The following IGSF9 variants were observed in gnomAD, a reference collection of about 807,000 sequenced individuals.
The protein encoded by IGSF9 is protein turtle homolog A.
IGSF9 carries 87 observed loss-of-function variants against 121.7 expected under a neutral mutation model. The observed-to-expected ratio is 0.71, with a 90% CI of 0.60 to 0.85. The LOEUF is 0.85. Among genes scored for constraint, IGSF9 ranks in the 40% least tolerant of loss-of-function variants. The pLI, the probability that IGSF9 is intolerant of heterozygous loss-of-function variation, is 0.00. For synonymous variants in IGSF9, 640 were observed against 648.4 expected (o/e 0.99, Z 0.20); for missense variants, 1,462 against 1,565.3 (o/e 0.93, Z 1.11).
rs577468450 is a variant in IGSF9 at position 159,934,013 on chromosome 1, T to G, written c.1104+177A>C. The G allele has an allele frequency of 2.8e-5, 20 of 706,416 alleles. No individual in the cohort carries two copies. In the South Asian group the frequency reaches 3.9e-4, roughly 14 times the overall value. The allele number at this position is 706,416 out of a possible 1,614,324, so 43.8% of individuals were successfully genotyped here. On this transcript the variant is annotated intron_variant, in intron 9 of 20. Transcript: ENST00000368094. ...ACCACCACTTTAAACCATGGAAATTTTTCCTCAGGGGTTTTAAGTAGTTTC... is the reference window on the plus strand; with the variant it reads ...ACCACCACTTTAAACCATGGAAATTGTTCCTCAGGGGTTTTAAGTAGTTTC...
chr1:159,927,671 G>A, intron 20 of IGSF9, 89 bp downstream of exon 20: 1 of 1,554,636 alleles, frequency 6.4e-7, no homozygotes. Flanking sequence ...GGGAGGCAGG[G>A]CCTGACTGGG....
chr1:159,939,851 C>G (rs891316818), intron 3 of IGSF9, among the ~76,000 whole-genome samples: 1 of 152,152 alleles, frequency 6.6e-6, no homozygotes, highest in Non-Finnish European at 1.5e-5. Context: ...GGAGATAAGA[C>G]TAGGCCCAGC....
rs60386431 is a variant in IGSF9, at chr1:159,927,891, TAAAA to T, written c.3231-8_3231-5del. The T allele has an allele frequency of 2.1e-3, 3,209 of 1,524,728 alleles. No homozygotes were observed. Among genetic ancestry groups the T allele is most frequent in the Admixed American group, 5.4e-3 (285 of 52,590 alleles). 94.4% of individuals were successfully genotyped at this position (1,524,728 alleles called of 1,614,324 possible). ...CTCGTCCACAGATGTGTTCCTCCTG[TAAAA>T]AAAAAAAAAAAGACAAACATATGGT... On this transcript the variant is annotated splice_region_variant and splice_polypyrimidine_tract_variant and intron_variant, in intron 19 of 20. Transcript: ENST00000368094.
intron 9 of IGSF9, 141 bp downstream of exon 9, chr1:159,934,049 T>A: frequency 9.7e-7 from 1 of 1,027,282 alleles, no homozygotes; most frequent in East Asian, 2.6e-5. Context: ...CTATGCAACA[T>A]GTCTTATAAC....
Position 159,929,391 on chromosome 1 carries a change from G to A in IGSF9, c.2329C>T (p.Pro777Ser). Residue 777 changes from proline (P) to serine (S), a missense_variant and splice_region_variant, in exon 18 of 21, where the codon CCA (proline) becomes TCA (serine). By Grantham distance (74) the Pro-to-Ser change is moderately conservative (BLOSUM62 -1). This residue lies in a region of IGSF9 where 808 missense variants were observed against 815.2 expected (regional missense o/e 0.99). Transcript: ENST00000368094. ...CCGGTCGGAGAGAAGATAAGAGGTG[G>A]ATCTGGAAGGGCATGAGAATAGTAG... ...RRRRKRLRQD[P>S]PLIFSPTGKS... is the part of the protein sequence containing the mutation. 1 of 1,614,130 alleles carries A rather than the reference G, an allele frequency of 6.2e-7. No individual in the cohort carries two copies. Among genetic ancestry groups the A allele is most frequent in the Non-Finnish European group, 8.5e-7 (1 of 1,179,988 alleles).
intron 6 of IGSF9, 148 bp from the exon 7 acceptor site, chr1:159,934,970 C>CACT: frequency 1.2e-6 from 1 of 835,320 alleles, no homozygotes; most frequent in South Asian, 1.8e-5. Context: ...CAGAAGCTTC[C>CACT]CCCTGTATGT....
intron 2 of IGSF9, 24 bp downstream of exon 2, chr1:159,943,373 C>T: frequency 6.5e-7 from 1 of 1,549,338 alleles, no homozygotes; most frequent in Non-Finnish European, 8.7e-7. Flanking sequence ...ACAGGGCATT[C>T]TTGAGCCCAA....
In IGSF9 at chr1:159,943,125, C is replaced by A; in HGVS notation, c.85G>T (p.Val29Leu). 6.9e-6 allele frequency: 11 copies of A among 1,597,168 alleles called. No individual in the cohort carries two copies. Among genetic ancestry groups the A allele is most frequent in the Non-Finnish European group, 9.4e-6 (11 of 1,174,620 alleles). ...DGRGKPEVVS[V>L]VGRAGESVVL... ...ACACTCTCCCCAGCCCGGCCCACCA[C>A]CGATACCACCTCAGGCTTCCCTCGA... Residue 29 changes from valine to leucine, a missense_variant, in exon 3 of 21, where the codon GTG becomes TTG. Val to Leu is a conservative substitution (Grantham distance 32). Around this residue, in one of 3 missense-constraint regions of IGSF9, gnomAD observed 558 missense variants for 599.4 expected, o/e 0.93. Transcript: ENST00000368094.
At position 159,930,354 on chromosome 1, in the gene IGSF9, C is replaced by T. The variant is rs1192765612; in HGVS notation, c.1899G>A (p.Val633=). ...PLSPPRGLVA[V]RTPRGVLLHW... The stretch of plus-strand genomic sequence containing the variant: ...GCAGGAGTACCCCCCGGGGTGTCCT[C>T]ACTGCCACCAGACCCCGCGGAGGGG... The change falls in exon 15 of 21, where the codon GTG becomes GTA. Residue 633 remains valine (V), a synonymous_variant. Transcript: ENST00000368094. The T allele has an allele frequency of 6.2e-7, 1 of 1,604,858 alleles. No individual in the cohort carries two copies. The highest frequency in any genetic ancestry group is 1.1e-5 in the South Asian group (1 of 90,336).
rs1290170915 is a variant in IGSF9, at chr1:159,928,875, C to T, written c.2513G>A (p.Gly838Glu). The stretch of plus-strand genomic sequence containing the variant: ...GCAAATGGGCTCCAGAGGTAAGGGT[C>T]CCCGGCTAGATGGAGGATCCGGGTG... The part of the protein sequence containing the change: ...SPHPDPPSSR[G>E]PLPLEPICRG... Residue 838 changes from glycine to glutamate, a missense_variant, in exon 19 of 21, where the codon GGA becomes GAA. Physicochemically the swap from Gly to Glu is moderately conservative, Grantham distance 98. Around this residue, in one of 3 missense-constraint regions of IGSF9, gnomAD observed 808 missense variants for 815.2 expected, o/e 0.99. Transcript: ENST00000368094. 6.3e-7 allele frequency: 1 copy of T among 1,593,050 alleles called. No individual in the cohort carries two copies. Among genetic ancestry groups the T allele is most frequent in the Non-Finnish European group, 8.5e-7 (1 of 1,170,328 alleles).
rs1224118667 is a variant in IGSF9 at position 159,927,878 on chromosome 1, T to C, written c.3240A>G (p.Thr1080=). ...HVVTVSKRRN[T]SVDENYEWDS... is the part of the protein sequence containing the mutation. ...CCCACTCATAGTTCTCGTCCACAGA[T>C]GTGTTCCTCCTGTAAAAAAAAAAAA... Residue 1080 remains threonine, a synonymous_variant, in exon 20 of 21, where the codon ACA becomes ACG. Coordinates refer to ENST00000368094, the MANE Select transcript of IGSF9 (RefSeq NM_001135050.2). 5.7e-6 allele frequency: 9 copies of C among 1,579,514 alleles called. No individual in the cohort carries two copies. Among genetic ancestry groups the C allele is most frequent in the Non-Finnish European group, 7.7e-6 (9 of 1,169,414 alleles).
At chr1:159,937,383 GCCCCTCTCTCCCAC>G (rs1435713055) in intron 4 of IGSF9, among the ~76,000 whole-genome samples, 7 of 151,800 alleles carry the variant, frequency 4.6e-5, no homozygotes, top group African/African-American at 1.7e-4. Flanking sequence ...GGGCCCAAGA[GCCCCTCTCTCCCAC>G]CCACTTCCCT....
intron 5 of IGSF9, 118 bp from the exon 6 acceptor site, chr1:159,936,634 C>T: frequency 6.6e-7 from 1 of 1,524,718 alleles, no homozygotes; most frequent in Middle Eastern, 2.2e-4. Context: ...AATGCCAAGC[C>T]CTTCTTCTGG....
intron 9 of IGSF9, 120 bp downstream of exon 9, chr1:159,934,070 T>G (rs1366747246): frequency 1.7e-6 from 2 of 1,198,114 alleles, no homozygotes; most frequent in Admixed American, 4.7e-5. Flanking sequence ...ACAAATTAAA[T>G]TCACAAAAGA....
intron 17 of IGSF9, 85 bp downstream of exon 17, chr1:159,929,553 G>A: frequency 6.7e-7 from 1 of 1,496,726 alleles, no homozygotes. Context: ...TCACACAGGA[G>A]CGAGGGCTTT....
intron 18 of IGSF9, 42 bp downstream of exon 18, chr1:159,929,309 A>G (rs1650883572): frequency 1.2e-6 from 2 of 1,601,138 alleles, no homozygotes; most frequent in Non-Finnish European, 8.6e-7. Context: ...TGGCACGTAC[A>G]ATGGAAAGGC....
rs1278445505 is a variant in IGSF9, at chr1:159,934,476, T to C, written c.910A>G (p.Ser304Gly). Reference protein sequence around the residue: ...DDAGCYTCVPSNGLLHPPSAS... With the variant: ...DDAGCYTCVPGNGLLHPPSAS... ...GAGGGTGGATGCAGGAGGCCATTGC[T>C]GGGCACACAGGTGTAGCAGCCGGCA... The change falls in exon 8 of 21, where the codon AGC becomes GGC. Residue 304 changes from serine to glycine, a missense_variant. Physicochemically the swap from Ser to Gly is moderately conservative, Grantham distance 56. Around this residue, in one of 3 missense-constraint regions of IGSF9, gnomAD observed 558 missense variants for 599.4 expected, o/e 0.93. Coordinates refer to ENST00000368094, the MANE Select transcript of IGSF9 (RefSeq NM_001135050.2). 1.2e-6 allele frequency: 2 copies of C among 1,608,060 alleles called. No individual in the cohort carries two copies.
At chr1:159,935,712 AGCT>A (rs1479353708) in intron 6 of IGSF9, among the ~76,000 whole-genome samples, 1 of 152,178 alleles carries the variant, frequency 6.6e-6, no homozygotes, top group African/African-American at 2.4e-5. Flanking sequence ...CCTCACCAAA[AGCT>A]TTGTGGTGGG....
chr1:159,932,296 G>T lies in IGSF9; in HGVS notation c.1245+216C>A. 1 of 596,994 alleles carries T rather than the reference G, an allele frequency of 1.7e-6. No individual in the cohort carries two copies. Among genetic ancestry groups the T allele is most frequent in the Non-Finnish European group, 3.0e-6 (1 of 336,076 alleles). 37.0% of individuals were successfully genotyped at this position (596,994 alleles called of 1,614,324 possible). A position where few individuals can be genotyped will look rare whatever the true frequency, so the allele number is the denominator to read the frequency against. Reference sequence around the variant, plus strand: ...GGGCAAACAGGATATCTTACTTCTGGATGTGTGTGACTGATGTCCCACCTC... The same window carrying T: ...GGGCAAACAGGATATCTTACTTCTGTATGTGTGTGACTGATGTCCCACCTC... On this transcript the variant is annotated intron_variant, in intron 10 of 20. Coordinates refer to ENST00000368094, the MANE Select transcript of IGSF9 (RefSeq NM_001135050.2). This position sits in a 1 kb window ranked among gnomAD's most constrained non-coding sequence, Gnocchi z 4.1.
Sources: allele counts gnomAD v4.1 joint callset (sites outside exome capture counted in the v4.1 genomes callset), GRCh38; gene constraint gnomAD v4.1.1; regional missense constraint gnomAD v4.1.1; non-coding constraint Gnocchi (gnomAD v3.1); transcripts MANE v1.5; gene names NCBI Gene and HGNC (gene_info 2026-07-23, HGNC 2026-07-21).